SPMIP11: variants seen among roughly 807,000 people sequenced by gnomAD.
SPMIP11 encodes long intergenic non-protein coding RNA 935.
the SPMIP11 span, among the ~76,000 whole-genome samples, chr12:48,742,008 G>C: frequency 6.6e-6 from 1 of 152,040 alleles, no homozygotes. Context: ...GTGTGAATCT[G>C]TTATTTCTGT....
the SPMIP11 span, among the ~76,000 whole-genome samples, chr12:48,762,121 C>CAAT: frequency 1.5e-5 from 2 of 135,238 alleles, no homozygotes; most frequent in Non-Finnish European, 3.0e-5. Flanking sequence ...TGCAGTGGCG[C>CAAT]GATCTCGGCT....
At chr12:48,768,811 C>G in the SPMIP11 span, 5 of 1,559,374 alleles carry the variant, frequency 3.2e-6, no homozygotes, top group Non-Finnish European at 4.4e-6. Context: ...GCTCCCTTCC[C>G]CCAGTCCCTG....
the SPMIP11 span, among the ~76,000 whole-genome samples, chr12:48,741,176 A>T: frequency 6.8e-6 from 1 of 147,226 alleles, no homozygotes; most frequent in Non-Finnish European, 1.5e-5. Flanking sequence ...CTCCTGCCTC[A>T]GCCTCCCAAG....
chr12:48,744,839 A>G, the SPMIP11 span, among the ~76,000 whole-genome samples: 1 of 151,998 alleles, frequency 6.6e-6, no homozygotes, highest in Non-Finnish European at 1.5e-5. Context: ...AGAAGAAGAA[A>G]AAAAGAAGAA....
the SPMIP11 span, chr12:48,768,280 A>G: frequency 4.6e-6 from 2 of 435,764 alleles, no homozygotes; most frequent in East Asian, 4.6e-5. Flanking sequence ...TTAATCCCTC[A>G]GGCAAGAGGC....
chr12:48,728,707 C>CAAAAAAAAAAAAA, the SPMIP11 span, among the ~76,000 whole-genome samples: 1 of 70,972 alleles, frequency 1.4e-5, no homozygotes, highest in African/African-American at 6.0e-5. Flanking sequence ...GACTCTGTCT[C>CAAAAAAAAAAAAA]AAAAAAAAAA....
At chr12:48,753,672 T>G in the SPMIP11 span, among the ~76,000 whole-genome samples, 142 of 151,652 alleles carry the variant, frequency 9.4e-4, no homozygotes, top group African/African-American at 3.4e-3. Flanking sequence ...TTGTTCTGGC[T>G]TTTCTTTACT....
At chr12:48,743,230 TAA>T in the SPMIP11 span, among the ~76,000 whole-genome samples, 16 of 121,274 alleles carry the variant, frequency 1.3e-4, no homozygotes, top group Admixed American at 1.7e-4. Context: ...CCATCTCTAC[TAA>T]AAAAAAAAAA....
chr12:48,758,628 T>G, the SPMIP11 span, among the ~76,000 whole-genome samples: 11 of 152,218 alleles, frequency 7.2e-5, no homozygotes, highest in Non-Finnish European at 1.3e-4. Flanking sequence ...ACATAATGAA[T>G]GCTAGGTAGC....
At chr12:48,743,728 G>C in the SPMIP11 span, among the ~76,000 whole-genome samples, 21 of 151,782 alleles carry the variant, frequency 1.4e-4, no homozygotes, top group African/African-American at 5.1e-4. Context: ...GATCGCCTGA[G>C]GTCAGGAGTT....
chr12:48,741,469 G>A, the SPMIP11 span, among the ~76,000 whole-genome samples: 33,708 of 145,820 alleles, frequency 0.23, 4,656 homozygotes, highest in Non-Finnish European at 0.32. Context: ...AGGAATAAGC[G>A]ACATTATATC....
At chr12:48,747,278 C>T in the SPMIP11 span, among the ~76,000 whole-genome samples, 1 of 152,118 alleles carries the variant, frequency 6.6e-6, no homozygotes, top group Admixed American at 6.6e-5. Context: ...CATGAGCCAC[C>T]ATGCCCAACA....
the SPMIP11 span, among the ~76,000 whole-genome samples, chr12:48,770,063 ATTTTTTTTT>A: frequency 8.9e-6 from 1 of 112,912 alleles, no homozygotes; most frequent in African/African-American, 3.5e-5. Context: ...GCCCGGCCTA[ATTTTTTTTT>A]TTTTTTTTTT....
the SPMIP11 span, among the ~76,000 whole-genome samples, chr12:48,747,085 A>T: frequency 6.6e-6 from 1 of 152,080 alleles, no homozygotes; most frequent in Non-Finnish European, 1.5e-5. Flanking sequence ...CAGACAACTG[A>T]GTTTGAAAGT....
At chr12:48,736,253 C>A in the SPMIP11 span, 207 of 298,668 alleles carry the variant, frequency 6.9e-4, 1 homozygote, top group Non-Finnish European at 1.2e-3. Flanking sequence ...CGCAAAAAAA[C>A]ACACGAAAAT....
chr12:48,768,989 G>C, the SPMIP11 span: 1 of 1,614,044 alleles, frequency 6.2e-7, no homozygotes, highest in Admixed American at 1.7e-5. Flanking sequence ...GACATTCACT[G>C]TGTTCCCCCA....
At chr12:48,755,602 A>C in the SPMIP11 span, among the ~76,000 whole-genome samples, 3 of 152,152 alleles carry the variant, frequency 2.0e-5, no homozygotes, top group Non-Finnish European at 4.4e-5. Flanking sequence ...GTATATGCCA[A>C]TTGGTGCTTG....
chr12:48,735,534 G>C, the SPMIP11 span, among the ~76,000 whole-genome samples: 2,041 of 151,952 alleles, frequency 0.013, 44 homozygotes, highest in African/African-American at 0.048. Context: ...GCAGTGAGCT[G>C]ATATTGCACC....
At chr12:48,749,176 C>A in the SPMIP11 span, among the ~76,000 whole-genome samples, 1 of 150,916 alleles carries the variant, frequency 6.6e-6, no homozygotes, top group Non-Finnish European at 1.5e-5. Context: ...GCAGGAGAAT[C>A]GCTTGAACCT....
Sources: gnomAD v4.1 joint callset for allele counts (sites outside exome capture counted in the v4.1 genomes callset) on GRCh38, gnomAD v4.1.1 for gene constraint, MANE v1.5 for transcripts, NCBI Gene and HGNC (gene_info 2026-07-23, HGNC 2026-07-21) for gene names.